Variants in SLC2A14 observed in about 807,000 individuals in gnomAD.
The protein encoded by SLC2A14 is solute carrier family 2 member 14.
SLC2A14 carries 13 observed loss-of-function variants against 43.0 expected under a neutral mutation model. That is an observed-to-expected ratio of 0.30 (90% confidence interval 0.20 to 0.48). SLC2A14 has a LOEUF of 0.48. Ranked by LOEUF, SLC2A14 falls within the 20% of genes least tolerant of loss-of-function variation. The pLI is 0.99. For synonymous variants in SLC2A14, 190 were observed against 233.8 expected, an observed-to-expected ratio of 0.81 and a Z score of 1.71; for missense variants, 428 against 620.4, an observed-to-expected ratio of 0.69 and a Z score of 3.29.
intron 5 of SLC2A14, among the ~76,000 whole-genome samples, chr12:7,829,182 A>G (rs1423529089): frequency 6.6e-6 from 1 of 152,140 alleles, no homozygotes; most frequent in African/African-American, 2.4e-5. Flanking sequence ...ACTGCCCTCC[A>G]GACTGGGCGA....
chr12:7,866,200 G>C (rs1423475465), intron 2 of SLC2A14, among the ~76,000 whole-genome samples: 11 of 148,684 alleles, frequency 7.4e-5, no homozygotes, highest in African/African-American at 2.5e-4. Context: ...ACTCCAGCCT[G>C]GGTGACAGAC....
At chr12:7,822,094 G>T (rs1863967626) in intron 7 of SLC2A14, among the ~76,000 whole-genome samples, 1 of 151,794 alleles carries the variant, frequency 6.6e-6, no homozygotes, top group Admixed American at 6.6e-5. Context: ...AAAGTGCTGG[G>T]ATTACAGGCG....
intron 2 of SLC2A14, among the ~76,000 whole-genome samples, chr12:7,847,039 GGTT>G (rs1452027231): frequency 6.6e-6 from 1 of 151,738 alleles, no homozygotes; most frequent in Non-Finnish European, 1.5e-5. Context: ...GATCACCTGA[GGTT>G]GGGAGTTCAA....
At chr12:7,848,468 G>T (rs1005307841) in intron 2 of SLC2A14, among the ~76,000 whole-genome samples, 4 of 150,388 alleles carry the variant, frequency 2.7e-5, no homozygotes, top group Non-Finnish European at 5.9e-5. Flanking sequence ...TGCTCCTTAC[G>T]TCTATTCCAT....
chr12:7,823,460 C>G (rs184799924), intron 7 of SLC2A14, among the ~76,000 whole-genome samples: 1 of 151,838 alleles, frequency 6.6e-6, no homozygotes, highest in African/African-American at 2.4e-5. Context: ...CAGTGGCTCA[C>G]GCCTCTAATC....
intron 1 of SLC2A14, chr12:7,871,122 G>A: frequency 7.5e-7 from 1 of 1,336,580 alleles, no homozygotes; most frequent in Admixed American, 2.4e-5. Context: ...CCCTCACCAT[G>A]TTTGGGGAGA....
intron 7 of SLC2A14, among the ~76,000 whole-genome samples, chr12:7,823,766 G>A (rs1235549536): frequency 6.6e-6 from 1 of 151,898 alleles, no homozygotes; most frequent in East Asian, 1.9e-4. Context: ...CAGACCTCAA[G>A]TTAACAAGGG....
chr12:7,853,996 T>C (rs780190322), intron 2 of SLC2A14, among the ~76,000 whole-genome samples: 1 of 152,270 alleles, frequency 6.6e-6, no homozygotes, highest in East Asian at 1.9e-4. Flanking sequence ...ATCCAAAATA[T>C]AATGGGTTGT....
chr12:7,835,437 A>G (rs187967886), intron 2 of SLC2A14, among the ~76,000 whole-genome samples: 1 of 152,328 alleles, frequency 6.6e-6, no homozygotes, highest in Admixed American at 6.5e-5. Flanking sequence ...GTCTGCCTAG[A>G]AAAAAAGGAA....
At chr12:7,840,929 C>G (rs1269244395) in intron 2 of SLC2A14, among the ~76,000 whole-genome samples, 2 of 152,090 alleles carry the variant, frequency 1.3e-5, no homozygotes, top group Non-Finnish European at 2.9e-5. Context: ...AGGGTCAAAT[C>G]AAGACTTTTA....
intron 10 of SLC2A14, among the ~76,000 whole-genome samples, chr12:7,815,217 C>T (rs1180318462): frequency 6.6e-6 from 1 of 151,628 alleles, no homozygotes; most frequent in Admixed American, 6.6e-5. Context: ...TTGAGACCAG[C>T]CTGGCCAACA....
chr12:7,831,469 T>A (rs144318736), intron 4 of SLC2A14, 135 bp downstream of exon 4: 1 of 1,349,900 alleles, frequency 7.4e-7, no homozygotes, highest in South Asian at 1.4e-5. Context: ...TCGGGGCCAG[T>A]TGGGCTAGTT....
chr12:7,821,830 T>TC (rs1863937387), intron 7 of SLC2A14, among the ~76,000 whole-genome samples: 1 of 147,362 alleles, frequency 6.8e-6, no homozygotes, highest in Non-Finnish European at 1.5e-5. Context: ...TCTTTCTTTT[T>TC]TTTTTTTTTT....
chr12:7,835,485 T>A (rs990964940), intron 2 of SLC2A14, among the ~76,000 whole-genome samples: 1 of 152,214 alleles, frequency 6.6e-6, no homozygotes, highest in Non-Finnish European at 1.5e-5. Context: ...TAGTTCCAGA[T>A]GCAGTTATCT....
At chr12:7,836,578 C>T (rs1055545167) in intron 2 of SLC2A14, among the ~76,000 whole-genome samples, 2 of 152,080 alleles carry the variant, frequency 1.3e-5, no homozygotes, top group African/African-American at 4.8e-5. Context: ...ACCTGTAAGC[C>T]CAGCACTTTG....
chr12:7,869,945 T>C lies in SLC2A14; in HGVS notation c.-57-8A>G. 6.6e-7 allele frequency: 1 copy of C among 1,510,324 alleles called. No homozygotes were observed. The highest frequency in any genetic ancestry group is 8.9e-7 in the Non-Finnish European group (1 of 1,128,190). 93.6% of individuals were successfully genotyped at this position (1,510,324 alleles called of 1,614,324 possible). ...TCTTCAAGGTACTGCTTCCTGTAAA[T>C]TGTAATTGTCTAGTTATTCATTTAC... On this transcript the variant is annotated splice_region_variant and splice_polypyrimidine_tract_variant and intron_variant, in intron 1 of 10. Transcript: ENST00000431042.
intron 2 of SLC2A14, chr12:7,863,556 A>G (rs2121014300): frequency 5.6e-6 from 2 of 355,584 alleles, no homozygotes; most frequent in Non-Finnish European, 1.1e-5. Flanking sequence ...CAGGACACAG[A>G]GGTTGCAGTG....
chr12:7,854,986 T>C (rs896858000), intron 2 of SLC2A14, among the ~76,000 whole-genome samples: 12 of 151,916 alleles, frequency 7.9e-5, no homozygotes, highest in Admixed American at 3.3e-4. Context: ...ATTTTTGTAT[T>C]TTTAGTAGAA....
upstream of SLC2A14, among the ~76,000 whole-genome samples, chr12:7,875,767 G>T (rs1000336778): frequency 2.6e-5 from 4 of 152,166 alleles, no homozygotes; most frequent in Middle Eastern, 3.4e-3. Context: ...GAGGTCAGGC[G>T]TTCAAGACCA....
Sources: allele counts gnomAD v4.1 joint callset (sites outside exome capture counted in the v4.1 genomes callset), GRCh38; gene constraint gnomAD v4.1.1; transcripts MANE v1.5; gene names NCBI Gene and HGNC (gene_info 2026-07-23, HGNC 2026-07-21).